Variants in DOCK10 observed in about 807,000 individuals in gnomAD.
DOCK10 encodes the protein dedicator of cytokinesis 10.
A neutral mutation model predicts 280.1 loss-of-function variants in DOCK10; 145 were observed. The observed-to-expected ratio is 0.52, with a 90% confidence interval of 0.45 to 0.59. The LOEUF (loss-of-function observed/expected upper bound fraction) is 0.59, where lower values mean the gene tolerates loss of function less well. Ranked by LOEUF, DOCK10 falls within the 20% of genes least tolerant of loss-of-function variation. The probability of loss-of-function intolerance (pLI) is 0.00; values close to 1 mark genes in which losing one functional copy is unlikely to be tolerated. For synonymous variants in DOCK10, 915 were observed against 942.2 expected (o/e 0.97, Z 0.53); for missense variants, 2,368 against 2,651.7 (o/e 0.89, Z 2.35).
intron 1 of DOCK10, among the ~76,000 whole-genome samples, chr2:224,953,766 C>T (rs1041308715): frequency 4.6e-5 from 7 of 152,130 alleles, no homozygotes; most frequent in African/African-American, 1.7e-4. Flanking sequence ...AAAATGATGG[C>T]AAAACCCACA....
chr2:225,018,878 T>TG (rs533924884), intron 1 of DOCK10, among the ~76,000 whole-genome samples: 1 of 148,078 alleles, frequency 6.8e-6, no homozygotes, highest in Non-Finnish European at 1.5e-5. Flanking sequence ...CATATGTATA[T>TG]CATTATATAT....
At chr2:224,940,239 T>G (rs993184628) in intron 1 of DOCK10, among the ~76,000 whole-genome samples, 1 of 152,200 alleles carries the variant, frequency 6.6e-6, no homozygotes, top group Non-Finnish European at 1.5e-5. Context: ...TTCCCACTGT[T>G]CTGAGCTTCT....
intron 1 of DOCK10, among the ~76,000 whole-genome samples, chr2:224,969,080 C>A (rs1389241109): frequency 6.6e-6 from 1 of 152,176 alleles, no homozygotes; most frequent in Non-Finnish European, 1.5e-5. Flanking sequence ...GATTTTTTTT[C>A]TACTTTTTGG....
At chr2:224,964,572 A>T (rs1043979842) in intron 1 of DOCK10, among the ~76,000 whole-genome samples, 2 of 151,776 alleles carry the variant, frequency 1.3e-5, no homozygotes, top group African/African-American at 4.8e-5. Context: ...TGGCATCATT[A>T]TAGCTCACTG....
chr2:224,969,075 T>A (rs181959431), intron 1 of DOCK10, among the ~76,000 whole-genome samples: 35 of 152,344 alleles, frequency 2.3e-4, no homozygotes, highest in African/African-American at 8.2e-4. Context: ...GCTGTGATTT[T>A]TTTTCTACTT....
rs547840387 is a variant in DOCK10, at chr2:224,770,744, C to G, written c.6205-99G>C. 11 of 791,240 alleles carry G rather than the reference C, an allele frequency of 1.4e-5. No individual in the cohort carries two copies. The highest frequency in any genetic ancestry group is 2.4e-5 in the Non-Finnish European group (11 of 465,096). 49.0% of individuals were successfully genotyped at this position (791,240 alleles called of 1,614,324 possible). On this transcript the variant is annotated intron_variant, in intron 53 of 55. Coordinates refer to ENST00000258390, the MANE Select transcript of DOCK10 (RefSeq NM_014689.3). This position sits in a 1 kb window ranked among gnomAD's most constrained non-coding sequence, Gnocchi z 4.5. ...ACTGTGCACCAATGGTGTGGTACCC[C>G]CATCTCACACCCTGCCTTCTAGTCC...
At chr2:224,823,713 A>G in intron 27 of DOCK10, 66 bp from the exon 28 acceptor site, 5 of 1,414,388 alleles carry the variant, frequency 3.5e-6, no homozygotes, top group South Asian at 2.9e-5. Context: ...GGAAGTATCA[A>G]CTGAAATATT....
chr2:224,906,182 C>A (rs915661980), intron 3 of DOCK10, among the ~76,000 whole-genome samples: 2 of 152,050 alleles, frequency 1.3e-5, no homozygotes, highest in African/African-American at 4.8e-5. Context: ...TTTTCAGTCC[C>A]CAACTCCTGT....
chr2:224,778,331 T>A, intron 50 of DOCK10, 47 bp from the exon 51 acceptor site: 1 of 1,545,452 alleles, frequency 6.5e-7, no homozygotes, highest in Non-Finnish European at 8.8e-7. Context: ...ATGCTAATCA[T>A]AAATCAAAAG....
chr2:224,791,608 G>A (rs1405371427), intron 47 of DOCK10, among the ~76,000 whole-genome samples: 2 of 151,038 alleles, frequency 1.3e-5, no homozygotes, highest in Non-Finnish European at 2.9e-5. Context: ...GGATTTATAG[G>A]CACCTGCCAC....
chr2:225,017,704 C>G (rs1425556926), intron 1 of DOCK10, among the ~76,000 whole-genome samples: 2 of 32,174 alleles, frequency 6.2e-5, no homozygotes, highest in East Asian at 1.8e-3. Flanking sequence ...GCCTACTGTT[C>G]CAAAAAAAAA....
intron 26 of DOCK10, among the ~76,000 whole-genome samples, chr2:224,831,676 G>A (rs1695246510): frequency 6.6e-6 from 1 of 152,224 alleles, no homozygotes; most frequent in South Asian, 2.1e-4. Flanking sequence ...CAGAGGTAGG[G>A]CCTTGTACGC....
At chr2:224,774,798 A>G in intron 52 of DOCK10, 107 bp downstream of exon 52, 2 of 975,622 alleles carry the variant, frequency 2.0e-6, no homozygotes, top group Non-Finnish European at 3.1e-6. Flanking sequence ...CATGTTGGGT[A>G]CTTCTCTGCA....
chr2:224,792,866 A>G (rs1692295261), intron 47 of DOCK10, 108 bp downstream of exon 47: 2 of 806,860 alleles, frequency 2.5e-6, no homozygotes, highest in African/African-American at 3.5e-5. Flanking sequence ...TAGATCTGAG[A>G]CAGTTTTTGC....
intron 7 of DOCK10, among the ~76,000 whole-genome samples, chr2:224,880,312 G>T (rs1349389927): frequency 6.6e-6 from 1 of 152,152 alleles, no homozygotes; most frequent in Non-Finnish European, 1.5e-5. Context: ...ACCATTTGCA[G>T]CCCAGAGAAG....
intron 1 of DOCK10, among the ~76,000 whole-genome samples, chr2:225,025,674 C>T (rs561293198): frequency 5.9e-5 from 9 of 152,156 alleles, no homozygotes; most frequent in South Asian, 4.1e-4. Context: ...AGCATTGGAC[C>T]GAAATGCCTG....
chr2:224,804,015 T>C, intron 39 of DOCK10, 97 bp downstream of exon 39: 1 of 637,748 alleles, frequency 1.6e-6, no homozygotes, highest in East Asian at 2.9e-5. Flanking sequence ...TGTGTGTGTG[T>C]GTGTGTGTGT....
At chr2:224,976,891 A>T (rs1199685948) in intron 1 of DOCK10, among the ~76,000 whole-genome samples, 1 of 152,146 alleles carries the variant, frequency 6.6e-6, no homozygotes. Flanking sequence ...AATCATTCTT[A>T]GCTCAAGCAC....
intron 1 of DOCK10, among the ~76,000 whole-genome samples, chr2:224,955,008 T>C: frequency 6.6e-6 from 1 of 152,208 alleles, no homozygotes; most frequent in East Asian, 1.9e-4. Flanking sequence ...CCAATTGCAT[T>C]TTCCCTAGAG....
Sources: gnomAD v4.1 joint callset for allele counts (sites outside exome capture counted in the v4.1 genomes callset) on GRCh38, gnomAD v4.1.1 for gene constraint, Gnocchi (gnomAD v3.1) non-coding constraint, MANE v1.5 for transcripts, NCBI Gene and HGNC (gene_info 2026-07-23, HGNC 2026-07-21) for gene names.